Variants in ZNF831 observed in about 807,000 individuals in gnomAD.
ZNF831 encodes the protein chromosome 20 open reading frame 174.
ZNF831 carries 59 observed loss-of-function variants against 95.8 expected under a neutral mutation model. The observed-to-expected ratio is 0.62, with a 90% confidence interval of 0.50 to 0.77. ZNF831 has a LOEUF of 0.77. Ranked by LOEUF, ZNF831 falls within the 30% of genes least tolerant of loss-of-function variation. The probability of loss-of-function intolerance (pLI) is 0.00; values close to 1 mark genes in which losing one functional copy is unlikely to be tolerated. For synonymous variants in ZNF831, 961 were observed against 925.5 expected (o/e 1.04, Z -0.70); for missense variants, 2,205 against 2,164.0 (o/e 1.02, Z -0.38).
rs1988133449 is a variant in ZNF831 at position 59,255,457 on chromosome 20, T to C, written c.*714T>C. The C allele has an allele frequency of 6.6e-6, 1 of 152,272 alleles. No individual in the cohort carries two copies. The highest frequency in any genetic ancestry group is 1.5e-5 in the Non-Finnish European group (1 of 68,044). 9.4% of individuals were successfully genotyped at this position (152,272 alleles called of 1,614,324 possible). A position where few individuals can be genotyped will look rare whatever the true frequency, so the allele number is the denominator to read the frequency against. On this transcript the variant is annotated 3_prime_UTR_variant, in exon 6 of 6. Coordinates refer to ENST00000371030, the MANE Select transcript of ZNF831 (RefSeq NM_178457.3). ...GTCAGATGATGCAAGCACATGCTCTTGTGCCTGGTGCGTTTGCTGTGGAGA... is the reference window on the plus strand; with the variant it reads ...GTCAGATGATGCAAGCACATGCTCTCGTGCCTGGTGCGTTTGCTGTGGAGA...
At chr20:59,237,340 C>G (rs1987054194) in intron 4 of ZNF831, among the ~76,000 whole-genome samples, 1 of 152,052 alleles carries the variant, frequency 6.6e-6, no homozygotes, top group Non-Finnish European at 1.5e-5. Flanking sequence ...CCTGTCTTAC[C>G]TTTTGCTTGT....
chr20:59,124,241 G>T (rs1377128315), intron 1 of ZNF831, among the ~76,000 whole-genome samples: 1 of 152,114 alleles, frequency 6.6e-6, no homozygotes, highest in African/African-American at 2.4e-5. Context: ...AGCCTCTAGG[G>T]TCATTCCTCA....
intron 4 of ZNF831, among the ~76,000 whole-genome samples, chr20:59,218,777 C>T (rs1267752483): frequency 2.6e-5 from 4 of 151,874 alleles, no homozygotes; most frequent in Non-Finnish European, 5.9e-5. Context: ...TAAGAGGAGG[C>T]CAAGGAGGGC....
In ZNF831 at chr20:59,144,642, C is replaced by G. The variant is rs371776763; in HGVS notation, c.-1424-1589C>G. 9.9e-5 allele frequency among the ~76,000 whole-genome samples: 15 copies of G among 152,202 alleles called. 1 individual carries two copies. Among genetic ancestry groups the G allele is most frequent in the Admixed American group, 7.2e-4 (11 of 15,288 alleles). On this transcript the variant is annotated intron_variant, in intron 1 of 7. Coordinates refer to the ZNF831 transcript ENST00000637017. ...CTACAGTTGGCGTGCTGTGGAGGGTCTGTCAGCCTCTTCTGTTGCTGCACT... is the reference window on the plus strand; with the variant it reads ...CTACAGTTGGCGTGCTGTGGAGGGTGTGTCAGCCTCTTCTGTTGCTGCACT...
At chr20:59,213,031 A>G (rs533304609) in intron 4 of ZNF831, among the ~76,000 whole-genome samples, 6 of 152,232 alleles carry the variant, frequency 3.9e-5, no homozygotes, top group African/African-American at 1.4e-4. Context: ...AGTGACAAAG[A>G]TGATAACTCT....
chr20:59,175,722 C>G (rs1358719062), intron 1 of ZNF831, among the ~76,000 whole-genome samples: 1 of 152,208 alleles, frequency 6.6e-6, no homozygotes, highest in African/African-American at 2.4e-5. Flanking sequence ...CAGGGAATCC[C>G]AGCACCTCTT....
intron 4 of ZNF831, among the ~76,000 whole-genome samples, chr20:59,251,475 A>G (rs1987885509): frequency 6.6e-6 from 1 of 152,270 alleles, no homozygotes; most frequent in Admixed American, 6.5e-5. Context: ...CAAGCTGCCA[A>G]TGACATCTAA....
rs1394198746 is a variant in ZNF831 at position 59,139,454 on chromosome 20, GA to G, written c.-1424-6774del. ...AAGTTTTTAACATGATTGCTTTTCT[GA>G]AATCAGGATGGCTCTTAGAGTCCAC... On this transcript the variant is annotated intron_variant, in intron 1 of 7. Coordinates refer to the ZNF831 transcript ENST00000637017. Among the ~76,000 whole-genome samples the G allele has an allele frequency of 2.0e-5, 3 of 152,198 alleles. No individual in the cohort carries two copies. The East Asian group carries it at 5.8e-4, about 29-fold the overall frequency.
At position 59,254,558 on chromosome 20, in the gene ZNF831, G is replaced by A. The variant is rs1366581965; in HGVS notation, c.4849G>A (p.Val1617Ile). Residue 1617 changes from valine to isoleucine, a missense_variant, in exon 6 of 6, where the codon GTA becomes ATA. Transcript: ENST00000371030. This position sits in a 1 kb window ranked among gnomAD's most constrained non-coding sequence, Gnocchi z 4.5. Reference sequence around the variant, plus strand: ...AGGAAGTGACGGTAGGAAACGTCAGGTATCTGGATTAATCACTCGGAAAGA... The same window carrying A: ...AGGAAGTGACGGTAGGAAACGTCAGATATCTGGATTAATCACTCGGAAAGA... ...SLGSDGRKRQ[V>I]SGLITRKDSV... The A allele has an allele frequency of 1.2e-6, 2 of 1,614,038 alleles. No individual in the cohort carries two copies. The highest frequency in any genetic ancestry group is 1.3e-5 in the African/African-American group (1 of 75,008).
In ZNF831 at chr20:59,192,668, C is replaced by A. The variant is rs1983691994; in HGVS notation, c.1649C>A (p.Ser550Ter). Residue 550 changes from serine to a stop codon, truncating the protein, a stop_gained, in exon 2 of 6, where the codon TCG becomes TAG. Transcript: ENST00000371030. LOFTEE classifies it high-confidence loss of function. The surrounding 1 kb of genome is among the most constrained non-coding windows in gnomAD (Gnocchi z 5.2). Reference sequence around the variant, plus strand: ...CTGGGCTGCCGCTCGGGACTAAGCTCGACTGACGTTCCCAGTGGGCATCCC... The same window carrying A: ...CTGGGCTGCCGCTCGGGACTAAGCTAGACTGACGTTCCCAGTGGGCATCCC... The part of the protein sequence containing the change: ...ARLGCRSGLS[S>*]TDVPSGHPRA... 1 of 1,542,960 alleles carries A rather than the reference C, an allele frequency of 6.5e-7. No homozygotes were observed. Among genetic ancestry groups the A allele is most frequent in the Non-Finnish European group, 8.7e-7 (1 of 1,146,214 alleles).
At chr20:59,166,382 C>T (rs1273119078) in intron 1 of ZNF831, among the ~76,000 whole-genome samples, 1 of 152,176 alleles carries the variant, frequency 6.6e-6, no homozygotes, top group African/African-American at 2.4e-5. Context: ...GTTTTGAGAA[C>T]ATTGCAGATT....
At chr20:59,153,292 G>T (rs995835643) in intron 2 of ZNF831, among the ~76,000 whole-genome samples, 1 of 152,188 alleles carries the variant, frequency 6.6e-6, no homozygotes, top group Non-Finnish European at 1.5e-5. Flanking sequence ...AACTGGACCC[G>T]GAGAGAACAG....
intron 4 of ZNF831, among the ~76,000 whole-genome samples, chr20:59,211,312 T>G (rs1243019910): frequency 6.6e-6 from 1 of 152,176 alleles, no homozygotes; most frequent in East Asian, 1.9e-4. Context: ...GGCCCTCCTC[T>G]CCAGCAATTA....
chr20:59,206,950 T>C lies in ZNF831; in HGVS notation c.3921T>C (p.Ser1307=), dbSNP rs995037651. 2 of 1,614,060 alleles carry C rather than the reference T, an allele frequency of 1.2e-6. No individual in the cohort carries two copies. The highest frequency in any genetic ancestry group is 2.7e-5 in the African/African-American group (2 of 74,922). Reference sequence around the variant, plus strand: ...AGAGCTGTGTTCAGCTGAGAGCCAGTAGACTTCGCACACCAACCTGGGTGC... The same window carrying C: ...AGAGCTGTGTTCAGCTGAGAGCCAGCAGACTTCGCACACCAACCTGGGTGC... ...FLQSCVQLRA[S]RLRTPTWVRR... is the part of the protein sequence containing the mutation. The change falls in exon 4 of 6, where the codon AGT becomes AGC. Residue 1307 remains serine, a synonymous_variant. Transcript: ENST00000371030.
chr20:59,253,543 C>T (rs1303825970), intron 5 of ZNF831, among the ~76,000 whole-genome samples: 1 of 152,100 alleles, frequency 6.6e-6, no homozygotes, highest in Admixed American at 6.5e-5. Flanking sequence ...AACCAAAAAA[C>T]CCTTCAATAC....
intron 3 of ZNF831, among the ~76,000 whole-genome samples, chr20:59,198,080 T>G (rs1389368955): frequency 6.6e-6 from 1 of 152,134 alleles, no homozygotes. Context: ...ATATTTACCA[T>G]GTACCTGCTG....
intron 1 of ZNF831, among the ~76,000 whole-genome samples, chr20:59,144,016 C>G (rs1979761509): frequency 6.6e-6 from 1 of 152,230 alleles, no homozygotes; most frequent in South Asian, 2.1e-4. Flanking sequence ...CCATTTAACT[C>G]TGTTCACACA....
rs998060399 is a variant in ZNF831, at chr20:59,187,981, G to A, written c.-36-3003G>A. Among the ~76,000 whole-genome samples, 29 of 152,304 alleles carry A rather than the reference G, an allele frequency of 1.9e-4. No homozygotes were observed. The Middle Eastern group carries it at 0.014, about 71-fold the overall frequency. The stretch of plus-strand genomic sequence containing the variant: ...ATGTTGTAGCATGTGCAAGCACTTT[G>A]TTGCTTTTTATGGCTGATTACGATT... On this transcript the variant is annotated intron_variant, in intron 1 of 5. Coordinates refer to ENST00000371030, the MANE Select transcript of ZNF831 (RefSeq NM_178457.3).
At chr20:59,232,060 A>G (rs974700432) in intron 4 of ZNF831, among the ~76,000 whole-genome samples, 1 of 152,096 alleles carries the variant, frequency 6.6e-6, no homozygotes, top group Non-Finnish European at 1.5e-5. Context: ...AGACCCGTAC[A>G]CCCTTCCAGA....
Sources: allele counts gnomAD v4.1 joint callset (sites outside exome capture counted in the v4.1 genomes callset), GRCh38; gene constraint gnomAD v4.1.1; non-coding constraint Gnocchi (gnomAD v3.1); transcripts MANE v1.5; gene names NCBI Gene and HGNC (gene_info 2026-07-23, HGNC 2026-07-21).